FAM227B: variants seen among roughly 807,000 people sequenced by gnomAD.
FAM227B encodes family with sequence similarity 227 member B.
In FAM227B, 88 loss-of-function variants were observed where a neutral mutation model predicts 73.8. The ratio of observed to expected loss-of-function variants is 1.19; its 90% confidence interval spans 1.00 to 1.42. The LOEUF is 1.42. Ranked by LOEUF, FAM227B falls within the 40% of genes most tolerant of loss-of-function variation. The pLI, the probability that FAM227B is intolerant of heterozygous loss-of-function variation, is 0.00. For synonymous variants in FAM227B, 210 were observed against 190.5 expected, an observed-to-expected ratio of 1.10 and a Z score of -0.84; for missense variants, 632 against 590.9, an observed-to-expected ratio of 1.07 and a Z score of -0.72.
At chr15:49,499,492 C>T (rs1204916581) in intron 11 of FAM227B, among the ~76,000 whole-genome samples, 1 of 152,038 alleles carries the variant, frequency 6.6e-6, no homozygotes, top group Non-Finnish European at 1.5e-5. Flanking sequence ...TTGATCAATA[C>T]AATGTATTTA....
chr15:49,332,849 G>A (rs1390198807), intron 14 of FAM227B, among the ~76,000 whole-genome samples: 1 of 152,046 alleles, frequency 6.6e-6, no homozygotes, highest in Non-Finnish European at 1.5e-5. Flanking sequence ...AGGCAGAGTG[G>A]GATTACTTAG....
rs183865182 is a variant in FAM227B, at chr15:49,421,084, C to A, written c.1013-49685G>T. Among the ~76,000 whole-genome samples, 625 of 152,258 alleles carry A rather than the reference C, an allele frequency of 4.1e-3. 1 individual carries two copies. The highest frequency in any genetic ancestry group is 7.0e-3 in the Non-Finnish European group (479 of 68,012). Reference sequence around the variant, plus strand: ...AAATAACAAAAAAAAGACAATAGTTCAAAGTATTCCTGTGCTTAATCTATC... The same window carrying A: ...AAATAACAAAAAAAAGACAATAGTTAAAAGTATTCCTGTGCTTAATCTATC... On this transcript the variant is annotated intron_variant, in intron 11 of 15. Coordinates refer to ENST00000299338, the MANE Select transcript of FAM227B (RefSeq NM_152647.3).
chr15:49,375,987 G>C (rs914111397), intron 11 of FAM227B, among the ~76,000 whole-genome samples: 55 of 152,058 alleles, frequency 3.6e-4, no homozygotes, highest in African/African-American at 2.4e-4. Flanking sequence ...TTATTGATGT[G>C]TTCCTCCTTT....
intron 11 of FAM227B, among the ~76,000 whole-genome samples, chr15:49,444,169 T>C (rs140867784): frequency 9.2e-5 from 14 of 151,720 alleles, no homozygotes; most frequent in African/African-American, 3.4e-4. Context: ...ATGAGAACCA[T>C]ATGTACTATT....
At chr15:49,550,059 G>A (rs2072643043) in intron 9 of FAM227B, among the ~76,000 whole-genome samples, 3 of 139,348 alleles carry the variant, frequency 2.2e-5, no homozygotes, top group Non-Finnish European at 4.7e-5. Flanking sequence ...CGGGCTGGGG[G>A]CTGATCCCCC....
intron 1 of FAM227B, among the ~76,000 whole-genome samples, chr15:49,616,192 C>A (rs1054000968): frequency 2.0e-5 from 3 of 152,088 alleles, no homozygotes; most frequent in African/African-American, 7.2e-5. Flanking sequence ...ACTTTATTTG[C>A]AGATGGAGCC....
At chr15:49,422,826 T>G in intron 11 of FAM227B, 1 of 837,902 alleles carries the variant, frequency 1.2e-6, no homozygotes, top group Non-Finnish European at 1.9e-6. Flanking sequence ...ACTCATATGT[T>G]AGTTAACACA....
At chr15:49,431,384 C>T (rs1018326076) in intron 11 of FAM227B, among the ~76,000 whole-genome samples, 7 of 151,738 alleles carry the variant, frequency 4.6e-5, no homozygotes, top group African/African-American at 1.7e-4. Flanking sequence ...ACAAAAATGT[C>T]ATTAAAGTTC....
chr15:49,428,224 C>G (rs77107878), intron 11 of FAM227B, among the ~76,000 whole-genome samples: 3,548 of 151,992 alleles, frequency 0.023, 92 homozygotes, highest in South Asian at 0.13. Flanking sequence ...CAGAAAGTCT[C>G]TCCCCTTTAC....
chr15:49,366,495 A>G (rs911027693), intron 13 of FAM227B: 1 of 1,233,864 alleles, frequency 8.1e-7, no homozygotes, highest in African/African-American at 1.5e-5. Context: ...AGATTCATCA[A>G]ACTAATGGAA....
At chr15:49,515,316 T>TA (rs1306110944) in intron 10 of FAM227B, among the ~76,000 whole-genome samples, 3 of 152,180 alleles carry the variant, frequency 2.0e-5, no homozygotes, top group Admixed American at 6.6e-5. Flanking sequence ...TTGATCCTCT[T>TA]AGAGTTTTCA....
chr15:49,449,518 A>C (rs1398047826), intron 11 of FAM227B, among the ~76,000 whole-genome samples: 1 of 151,988 alleles, frequency 6.6e-6, no homozygotes, highest in Admixed American at 6.6e-5. Flanking sequence ...CCCAGAATGC[A>C]ATGCTCCAAA....
chr15:49,340,635 T>C (rs2040581414), intron 13 of FAM227B, among the ~76,000 whole-genome samples: 1 of 152,206 alleles, frequency 6.6e-6, no homozygotes, highest in African/African-American at 2.4e-5. Flanking sequence ...GTTCAGTTCT[T>C]TAAGTTCCTT....
rs186413168 is a variant in FAM227B at position 49,360,782 on chromosome 15, G to T, written c.1271+6666C>A. Among the ~76,000 whole-genome samples the T allele has an allele frequency of 8.7e-4, 132 of 152,248 alleles. 1 individual carries two copies. Among genetic ancestry groups the T allele is most frequent in the Non-Finnish European group, 2.9e-5 (2 of 68,014 alleles). ...ATTTAAATGTTCTGCTAATGAATTA[G>T]TGTACATTAACTAGTAAACAAGTTT... On this transcript the variant is annotated intron_variant, in intron 13 of 15. Coordinates refer to ENST00000299338, the MANE Select transcript of FAM227B (RefSeq NM_152647.3).
At chr15:49,354,674 C>G (rs2042812445) in intron 13 of FAM227B, among the ~76,000 whole-genome samples, 1 of 152,250 alleles carries the variant, frequency 6.6e-6, no homozygotes, top group Non-Finnish European at 1.5e-5. Flanking sequence ...GGGGCGCCCG[C>G]CATTGCCCAG....
intron 11 of FAM227B, among the ~76,000 whole-genome samples, chr15:49,496,624 T>A (rs1037209508): frequency 6.6e-6 from 1 of 152,192 alleles, no homozygotes; most frequent in Admixed American, 6.5e-5. Flanking sequence ...AAATTTTAAC[T>A]ATCCACTGTG....
intron 9 of FAM227B, among the ~76,000 whole-genome samples, chr15:49,552,543 C>T (rs2073155217): frequency 6.6e-6 from 1 of 152,070 alleles, no homozygotes; most frequent in South Asian, 2.1e-4. Context: ...AAGGAAATTG[C>T]CTATTATCCC....
intron 3 of FAM227B, among the ~76,000 whole-genome samples, chr15:49,601,095 G>A (rs550543248): frequency 2.0e-5 from 3 of 147,872 alleles, no homozygotes; most frequent in Admixed American, 1.3e-4. Flanking sequence ...TTTTCTGATT[G>A]TTTTGTATTA....
At chr15:49,606,465 T>C (rs1171992702) in intron 3 of FAM227B, among the ~76,000 whole-genome samples, 1 of 152,190 alleles carries the variant, frequency 6.6e-6, no homozygotes, top group East Asian at 1.9e-4. Flanking sequence ...TCTCTCATAT[T>C]TGCTCCCAGA....
Sources: gnomAD v4.1 joint callset for allele counts (sites outside exome capture counted in the v4.1 genomes callset) on GRCh38, gnomAD v4.1.1 for gene constraint, MANE v1.5 for transcripts, NCBI Gene and HGNC (gene_info 2026-07-23, HGNC 2026-07-21) for gene names.